Variants in EDIL3 observed in about 807,000 individuals in gnomAD.
EDIL3 encodes EGF like and discoidin domains 3.
Under a neutral mutation model 67.4 loss-of-function variants are expected in EDIL3, and 37 were observed. The ratio of observed to expected loss-of-function variants is 0.55; its 90% CI spans 0.42 to 0.72. The LOEUF is 0.72. EDIL3 is among the 30% of genes least tolerant of loss of function. The pLI is 0.00. For synonymous variants in EDIL3, 195 were observed against 196.3 expected (o/e 0.99, Z 0.05); for missense variants, 527 against 586.3 (o/e 0.90, Z 1.04).
At chr5:84,097,356 C>G (rs1747282564) in intron 6 of EDIL3, among the ~76,000 whole-genome samples, 1 of 152,128 alleles carries the variant, frequency 6.6e-6, no homozygotes, top group East Asian at 1.9e-4. Context: ...ATATCATACA[C>G]ATCAAATATA....
intron 1 of EDIL3, among the ~76,000 whole-genome samples, chr5:84,327,169 A>G (rs923461054): frequency 3.3e-5 from 5 of 152,008 alleles, no homozygotes; most frequent in South Asian, 2.1e-4. Context: ...TATATAATAC[A>G]TCATTATTAA....
intron 9 of EDIL3, among the ~76,000 whole-genome samples, chr5:84,044,708 C>T (rs1378101008): frequency 2.0e-5 from 3 of 152,128 alleles, no homozygotes; most frequent in Admixed American, 1.3e-4. Context: ...GAACCAAGAG[C>T]TCTGCGGGCG....
At chr5:84,022,920 T>G (rs1745745113) in intron 9 of EDIL3, among the ~76,000 whole-genome samples, 1 of 151,976 alleles carries the variant, frequency 6.6e-6, no homozygotes, top group African/African-American at 2.4e-5. Flanking sequence ...TACCAACACA[T>G]AGAAATGATA....
intron 9 of EDIL3, among the ~76,000 whole-genome samples, chr5:84,039,417 C>T (rs898967697): frequency 3.3e-5 from 5 of 152,166 alleles, no homozygotes; most frequent in Admixed American, 6.6e-5. Flanking sequence ...ACCACCAGAA[C>T]GAAATAGAGA....
chr5:84,054,596 GCAA>G (rs1746407701), intron 9 of EDIL3, among the ~76,000 whole-genome samples: 3 of 152,040 alleles, frequency 2.0e-5, no homozygotes, highest in Non-Finnish European at 4.4e-5. Flanking sequence ...AAGCTGATAA[GCAA>G]CTTCAGCAAA....
intron 1 of EDIL3, among the ~76,000 whole-genome samples, chr5:84,304,545 A>C (rs1746226110): frequency 6.6e-6 from 1 of 152,194 alleles, no homozygotes; most frequent in Non-Finnish European, 1.5e-5. Context: ...CTAGAGAAAA[A>C]AGTTCTAGTT....
intron 2 of EDIL3, among the ~76,000 whole-genome samples, chr5:84,251,715 G>A (rs573450892): frequency 2.0e-5 from 3 of 151,908 alleles, no homozygotes; most frequent in Admixed American, 6.6e-5. Context: ...TAAAAATTAC[G>A]TCATAATATA....
chr5:84,293,372 T>A (rs1267342868), intron 1 of EDIL3, among the ~76,000 whole-genome samples: 1 of 152,200 alleles, frequency 6.6e-6, no homozygotes, highest in Non-Finnish European at 1.5e-5. Context: ...AGAGGTTGAA[T>A]AACTTCCTGA....
intron 9 of EDIL3, among the ~76,000 whole-genome samples, chr5:84,007,020 A>T (rs1745429245): frequency 6.6e-6 from 1 of 152,150 alleles, no homozygotes; most frequent in South Asian, 2.1e-4. Context: ...CAAGGCACCA[A>T]GAACCTACAT....
chr5:84,214,406 C>T (rs1385820612), intron 3 of EDIL3, among the ~76,000 whole-genome samples: 1 of 152,022 alleles, frequency 6.6e-6, no homozygotes, highest in Non-Finnish European at 1.5e-5. Flanking sequence ...CCCCCGCCCC[C>T]CGCCACTTTA....
At chr5:84,367,158 C>T (rs546561856) in intron 1 of EDIL3, among the ~76,000 whole-genome samples, 75 of 152,176 alleles carry the variant, frequency 4.9e-4, no homozygotes, top group African/African-American at 1.7e-3. Context: ...GCACAGATAA[C>T]AGTTTGGTAG....
intron 10 of EDIL3, among the ~76,000 whole-genome samples, chr5:83,961,307 A>G (rs1272965535): frequency 3.3e-5 from 5 of 151,268 alleles, no homozygotes; most frequent in East Asian, 3.9e-4. Flanking sequence ...AGTAACAGAT[A>G]GTACAAGTAG....
At chr5:84,371,153 A>G (rs1345979902) in intron 1 of EDIL3, among the ~76,000 whole-genome samples, 1 of 151,250 alleles carries the variant, frequency 6.6e-6, no homozygotes, top group Non-Finnish European at 1.5e-5. Context: ...ACAGTGACAG[A>G]ATAATAACAG....
chr5:83,983,114 A>T (rs1744998803), intron 9 of EDIL3, among the ~76,000 whole-genome samples: 2 of 152,122 alleles, frequency 1.3e-5, no homozygotes, highest in African/African-American at 4.8e-5. Context: ...ATGAACTAGT[A>T]TGGGTTTTAG....
intron 9 of EDIL3, among the ~76,000 whole-genome samples, chr5:84,055,460 G>A (rs1356084162): frequency 6.8e-6 from 1 of 147,886 alleles, no homozygotes; most frequent in Non-Finnish European, 1.5e-5. Flanking sequence ...TGACAAATGG[G>A]ATCTAATTAA....
At chr5:84,218,488 C>T (rs931043951) in intron 3 of EDIL3, among the ~76,000 whole-genome samples, 2 of 152,330 alleles carry the variant, frequency 1.3e-5, no homozygotes, top group South Asian at 4.1e-4. Flanking sequence ...CACCAATTGT[C>T]CTCCCTGCAA....
In EDIL3 at chr5:84,266,064, C is replaced by T. The variant is rs566097739; in HGVS notation, c.68-11852G>A. 2.4e-4 allele frequency among the ~76,000 whole-genome samples: 37 copies of T among 152,284 alleles called. No individual in the cohort carries two copies. The South Asian group carries it at 5.8e-3, about 24-fold the overall frequency. The stretch of plus-strand genomic sequence containing the variant: ...AATACATGCTTTTACACTAAGTAAA[C>T]CACATAAATATTTAGGAAGTGGGGT... On this transcript the variant is annotated intron_variant, in intron 1 of 10. Coordinates refer to ENST00000296591, the MANE Select transcript of EDIL3 (RefSeq NM_005711.5).
At chr5:84,262,659 G>GTGTTTT (rs1745250482) in intron 1 of EDIL3, among the ~76,000 whole-genome samples, 2 of 46,310 alleles carry the variant, frequency 4.3e-5, no homozygotes, top group Admixed American at 4.4e-4. Flanking sequence ...AGGTTGGTTG[G>GTGTTTT]TTTTTTTTTT....
chr5:84,012,876 G>A (rs999669786), intron 9 of EDIL3, among the ~76,000 whole-genome samples: 1 of 151,778 alleles, frequency 6.6e-6, no homozygotes, highest in Non-Finnish European at 1.5e-5. Flanking sequence ...TCTACAAATA[G>A]CTTTCACTTT....
Sources: allele counts gnomAD v4.1 joint callset (sites outside exome capture counted in the v4.1 genomes callset), GRCh38; gene constraint gnomAD v4.1.1; transcripts MANE v1.5; gene names NCBI Gene and HGNC (gene_info 2026-07-23, HGNC 2026-07-21).